SPRED1: variants seen among roughly 807,000 people sequenced by gnomAD.
SPRED1 encodes sprouty-related, EVH1 domain-containing protein 1.
SPRED1 carries 18 observed loss-of-function variants against 52.3 expected under a neutral mutation model. The ratio of observed to expected loss-of-function variants is 0.34; its 90% CI spans 0.24 to 0.51. The LOEUF (loss-of-function observed/expected upper bound fraction) is 0.51, where lower values mean the gene tolerates loss of function less well. Ranked by LOEUF, SPRED1 falls within the 20% of genes least tolerant of loss-of-function variation. The pLI, the probability that SPRED1 is intolerant of heterozygous loss-of-function variation, is 0.97. For synonymous variants in SPRED1, 155 were observed against 179.7 expected (o/e 0.86, Z 1.10); for missense variants, 485 against 551.0 (o/e 0.88, Z 1.20).
At position 38,339,966 on chromosome 15, in the gene SPRED1, A is replaced by G. The variant is rs1237272073; in HGVS notation, c.582+71A>G. On this transcript the variant is annotated intron_variant, in intron 5 of 6. Transcript: ENST00000299084. Reference sequence around the variant, plus strand: ...AAATTGAATGATGTCATAGATAAGGACGTTAAAACCATCTGCCCTTTACCA... The same window carrying G: ...AAATTGAATGATGTCATAGATAAGGGCGTTAAAACCATCTGCCCTTTACCA... The G allele has an allele frequency of 3.2e-6, 5 of 1,582,602 alleles. No individual in the cohort carries two copies. The African/African-American group carries it at 6.7e-5, about 21-fold the overall frequency.
chr15:38,305,508 G>A (rs1012020517), intron 2 of SPRED1, among the ~76,000 whole-genome samples: 1 of 151,774 alleles, frequency 6.6e-6, no homozygotes, highest in African/African-American at 2.4e-5. Flanking sequence ...ACATTCTAGT[G>A]GAAGATAAAT....
intron 1 of SPRED1, among the ~76,000 whole-genome samples, chr15:38,271,443 C>T (rs969153037): frequency 2.0e-5 from 3 of 152,032 alleles, no homozygotes; most frequent in African/African-American, 7.2e-5. Flanking sequence ...TTAGGTTTGA[C>T]AGTCATTAAT....
At chr15:38,278,252 T>C (rs1894602869) in intron 1 of SPRED1, among the ~76,000 whole-genome samples, 1 of 152,212 alleles carries the variant, frequency 6.6e-6, no homozygotes, top group African/African-American at 2.4e-5. Flanking sequence ...GAGGTCCAGG[T>C]GGGCAGATTG....
intron 1 of SPRED1, among the ~76,000 whole-genome samples, chr15:38,290,185 G>T (rs1028825770): frequency 6.6e-6 from 1 of 152,048 alleles, no homozygotes; most frequent in South Asian, 2.1e-4. Flanking sequence ...TTGATCTTTT[G>T]TTGAGAATGA....
Position 38,353,187 on chromosome 15 carries a change from CACT to C in SPRED1, c.*1528_*1530del, listed in dbSNP as rs1888532097. 1 of 152,358 alleles carries C rather than the reference CACT, an allele frequency of 6.6e-6. No homozygotes were observed. Among genetic ancestry groups the C allele is most frequent in the East Asian group, 1.9e-4 (1 of 5,178 alleles). 9.4% of individuals were successfully genotyped at this position (152,358 alleles called of 1,614,324 possible). On this transcript the variant is annotated 3_prime_UTR_variant, in exon 7 of 7. Coordinates refer to ENST00000299084, the MANE Select transcript of SPRED1 (RefSeq NM_152594.3). The stretch of plus-strand genomic sequence containing the variant: ...TCAGAGGTGATAAAAATTAAAATCA[CACT>C]ACTATTTGAAGCTCATTTTCTATGC...
In SPRED1 at chr15:38,356,107, A is replaced by G. The variant is rs1270762719; in HGVS notation, c.*4443A>G. On this transcript the variant is annotated 3_prime_UTR_variant, in exon 7 of 7. Coordinates refer to ENST00000299084, the MANE Select transcript of SPRED1 (RefSeq NM_152594.3). ...ACTAGTTGAAAAGTCTTTGTATTAA[A>G]AATACACATAGATTTTTGTGAACAT... The G allele has an allele frequency of 6.6e-6, 1 of 152,178 alleles. No homozygotes were observed. Among genetic ancestry groups the G allele is most frequent in the African/African-American group, 2.4e-5 (1 of 41,458 alleles). The allele number at this position is 152,178 out of a possible 1,614,324, so 9.4% of individuals were successfully genotyped here.
chr15:38,278,685 A>G (rs1162332350), intron 1 of SPRED1, among the ~76,000 whole-genome samples: 1 of 152,144 alleles, frequency 6.6e-6, no homozygotes, highest in East Asian at 1.9e-4. Flanking sequence ...TATACTTTAA[A>G]TCATCTCTGG....
chr15:38,343,219 A>G (rs1040369573), intron 5 of SPRED1, among the ~76,000 whole-genome samples: 3 of 152,124 alleles, frequency 2.0e-5, no homozygotes, highest in Admixed American at 1.3e-4. Flanking sequence ...AGAGGTGTGC[A>G]TGACTGGAGA....
At chr15:38,281,276 T>C (rs1010983327) in intron 1 of SPRED1, among the ~76,000 whole-genome samples, 1 of 152,230 alleles carries the variant, frequency 6.6e-6, no homozygotes, top group Non-Finnish European at 1.5e-5. Flanking sequence ...CCTATAGTTA[T>C]TTTCAAATGG....
intron 5 of SPRED1, among the ~76,000 whole-genome samples, chr15:38,349,198 T>G (rs1049043631): frequency 6.6e-6 from 1 of 152,234 alleles, no homozygotes; most frequent in African/African-American, 2.4e-5. Flanking sequence ...GTTTGTACTT[T>G]TTTGACTATG....
chr15:38,258,461 A>G (rs897563930), intron 1 of SPRED1, among the ~76,000 whole-genome samples: 2 of 152,212 alleles, frequency 1.3e-5, no homozygotes, highest in Admixed American at 1.3e-4. Context: ...ATTTTTAAAC[A>G]ATGTTGCATA....
chr15:38,286,305 T>C (rs1894808639), intron 1 of SPRED1, among the ~76,000 whole-genome samples: 1 of 151,842 alleles, frequency 6.6e-6, no homozygotes, highest in Non-Finnish European at 1.5e-5. Context: ...AATTTTATAT[T>C]ATTTTTATTG....
At chr15:38,268,345 A>G (rs923563631) in intron 1 of SPRED1, 9 of 152,248 alleles carry the variant, frequency 5.9e-5, no homozygotes, top group African/African-American at 1.4e-4. Flanking sequence ...GAGGAGAACA[A>G]CATCCCAAAT....
chr15:38,306,652 G>T (rs1895254582), intron 2 of SPRED1, among the ~76,000 whole-genome samples: 1 of 152,134 alleles, frequency 6.6e-6, no homozygotes, highest in Non-Finnish European at 1.5e-5. Flanking sequence ...TTGAAGAGGG[G>T]GAAGAAGTCT....
chr15:38,322,455 T>C (rs747969222), intron 3 of SPRED1, 46 bp downstream of exon 3: 6 of 1,588,690 alleles, frequency 3.8e-6, no homozygotes, highest in Non-Finnish European at 5.2e-6. Context: ...CGGTTATATA[T>C]AGTAGAGGTT....
At chr15:38,293,594 G>T (rs1894969208) in intron 1 of SPRED1, among the ~76,000 whole-genome samples, 1 of 152,166 alleles carries the variant, frequency 6.6e-6, no homozygotes, top group African/African-American at 2.4e-5. Flanking sequence ...TAGGGTTAAT[G>T]CAGTAGTGGT....
chr15:38,345,819 G>A (rs925734180), intron 5 of SPRED1, among the ~76,000 whole-genome samples: 2 of 152,142 alleles, frequency 1.3e-5, no homozygotes, highest in African/African-American at 4.8e-5. Context: ...AAACAAGCCT[G>A]TCTCCAAAGG....
intron 4 of SPRED1, among the ~76,000 whole-genome samples, chr15:38,325,602 T>G (rs937657473): frequency 1.3e-5 from 2 of 152,154 alleles, no homozygotes; most frequent in South Asian, 4.1e-4. Context: ...TTTTTTCTTA[T>G]GCCTTTCAAC....
At chr15:38,266,089 G>A (rs1367341784) in intron 1 of SPRED1, among the ~76,000 whole-genome samples, 1 of 152,120 alleles carries the variant, frequency 6.6e-6, no homozygotes, top group Non-Finnish European at 1.5e-5. Context: ...TTTTGCTTTA[G>A]CCTGATGTTT....
Sources: gnomAD v4.1 joint callset for allele counts (sites outside exome capture counted in the v4.1 genomes callset) on GRCh38, gnomAD v4.1.1 for gene constraint, MANE v1.5 for transcripts, NCBI Gene and HGNC (gene_info 2026-07-23, HGNC 2026-07-21) for gene names.